Variants in TEX19 observed in about 807,000 individuals in gnomAD.
The protein encoded by TEX19 is testis-expressed protein 19.
For missense variants in TEX19, 184 were observed against 194.4 expected, an observed-to-expected ratio of 0.95 and a Z score of 0.32; for synonymous variants, 77 against 73.9, an observed-to-expected ratio of 1.04 and a Z score of -0.21.
chr17:82,362,456 C>G lies in TEX19; in HGVS notation c.306C>G (p.Thr102=). ...GCTCTGAGGCATGGGGGCCAGGGACCCTGGCAGCAGCCCCAGAAGGGTTGG... is the reference window on the plus strand; with the variant it reads ...GCTCTGAGGCATGGGGGCCAGGGACGCTGGCAGCAGCCCCAGAAGGGTTGG... ...QGGSEAWGPG[T]LAAAPEGLED... The change falls in exon 2 of 2, where the codon ACC becomes ACG. Residue 102 remains threonine (T), a synonymous_variant. Coordinates refer to ENST00000333437, the MANE Select transcript of TEX19 (RefSeq NM_207459.4). The surrounding 1 kb of genome is among the most constrained non-coding windows in gnomAD (Gnocchi z 5.5). 6.2e-7 allele frequency: 1 copy of G among 1,612,648 alleles called. No individual in the cohort carries two copies. The highest frequency in any genetic ancestry group is 8.5e-7 in the Non-Finnish European group (1 of 1,179,770).
chr17:82,359,908 T>C (rs1397897174), intron 1 of TEX19, among the ~76,000 whole-genome samples: 7 of 125,304 alleles, frequency 5.6e-5, no homozygotes, highest in African/African-American at 2.3e-4. Context: ...TTCCCTCAGG[T>C]TCCCCCAGTT....
Position 82,362,286 on chromosome 17 carries a change from A to G in TEX19, c.136A>G (p.Lys46Glu). The G allele has an allele frequency of 6.2e-7, 1 of 1,614,088 alleles. No homozygotes were observed. ...CTTCAAGGCTGCCTTTCTAGACTTT[A>G]AAGACTTGCTGGAGTCAGAGGACTG... ...TCFKAAFLDFKDLLESEDWEE... is the reference protein window; with the variant it reads ...TCFKAAFLDFEDLLESEDWEE... Residue 46 changes from lysine (K) to glutamate (E), a missense_variant, in exon 2 of 2, where the codon AAA becomes GAA. Coordinates refer to ENST00000333437, the MANE Select transcript of TEX19 (RefSeq NM_207459.4). The surrounding 1 kb of genome is among the most constrained non-coding windows in gnomAD (Gnocchi z 5.5).
At position 82,362,911 on chromosome 17, in the gene TEX19, T is replaced by C. The variant is rs369265274; in HGVS notation, c.*266T>C. On this transcript the variant is annotated 3_prime_UTR_variant, in exon 2 of 2. Coordinates refer to ENST00000333437, the MANE Select transcript of TEX19 (RefSeq NM_207459.4). This position sits in a 1 kb window ranked among gnomAD's most constrained non-coding sequence, Gnocchi z 5.5. Reference sequence around the variant, plus strand: ...CAAGATGCACCCCAAGAGCAGGACCTGCACTGGTGGATGCTGAGCATTCTA... The same window carrying C: ...CAAGATGCACCCCAAGAGCAGGACCCGCACTGGTGGATGCTGAGCATTCTA... 3.4e-4 allele frequency: 154 copies of C among 446,438 alleles called. 2 individuals carry two copies. The East Asian group carries it at 5.2e-3, about 15-fold the overall frequency. The allele number at this position is 446,438 out of a possible 1,614,324, so 27.7% of individuals were successfully genotyped here.
chr17:82,362,146 T>A lies in TEX19; in HGVS notation c.-5T>A. The stretch of plus-strand genomic sequence containing the variant: ...CCACCCCGGCAGTAGGCAGGCAGCC[T>A]GGCCATGTGCCCTCCGGTCAGCATG... On this transcript the variant is annotated 5_prime_UTR_variant, in exon 2 of 2. Transcript: ENST00000333437. The surrounding 1 kb of genome is among the most constrained non-coding windows in gnomAD (Gnocchi z 5.5). The A allele has an allele frequency of 6.3e-7, 1 of 1,596,974 alleles. No individual in the cohort carries two copies. Among genetic ancestry groups the A allele is most frequent in the Non-Finnish European group, 8.5e-7 (1 of 1,171,900 alleles).
intron 1 of TEX19, chr17:82,361,628 A>C: frequency 1.0e-6 from 1 of 985,022 alleles, no homozygotes; most frequent in Non-Finnish European, 1.2e-6. Flanking sequence ...AGTTTCCCTC[A>C]TGTTCCCCCA....
chr17:82,362,760 G>C lies in TEX19; in HGVS notation c.*115G>C. 7.6e-7 allele frequency: 1 copy of C among 1,308,478 alleles called. No homozygotes were observed. Among genetic ancestry groups the C allele is most frequent in the Non-Finnish European group, 1.0e-6 (1 of 969,412 alleles). 81.1% of individuals were successfully genotyped at this position (1,308,478 alleles called of 1,614,324 possible). A position where few individuals can be genotyped will look rare whatever the true frequency, so the allele number is the denominator to read the frequency against. On this transcript the variant is annotated 3_prime_UTR_variant, in exon 2 of 2. Coordinates refer to ENST00000333437, the MANE Select transcript of TEX19 (RefSeq NM_207459.4). This position sits in a 1 kb window ranked among gnomAD's most constrained non-coding sequence, Gnocchi z 5.5. ...GGCCTAGTTACTGGCCCTGCAGCTT[G>C]TCTCCATGGTGGGCTGCTATGATAC...
chr17:82,362,765 C>T lies in TEX19; in HGVS notation c.*120C>T. On this transcript the variant is annotated 3_prime_UTR_variant, in exon 2 of 2. Coordinates refer to ENST00000333437, the MANE Select transcript of TEX19 (RefSeq NM_207459.4). The surrounding 1 kb of genome is among the most constrained non-coding windows in gnomAD (Gnocchi z 5.5). Reference sequence around the variant, plus strand: ...AGTTACTGGCCCTGCAGCTTGTCTCCATGGTGGGCTGCTATGATACCATCT... The same window carrying T: ...AGTTACTGGCCCTGCAGCTTGTCTCTATGGTGGGCTGCTATGATACCATCT... 7.9e-7 allele frequency: 1 copy of T among 1,266,504 alleles called. No individual in the cohort carries two copies. Among genetic ancestry groups the T allele is most frequent in the East Asian group, 2.5e-5 (1 of 39,638 alleles). 78.5% of individuals were successfully genotyped at this position (1,266,504 alleles called of 1,614,324 possible).
Position 82,362,203 on chromosome 17 carries a change from A to T in TEX19, c.53A>T (p.Tyr18Phe). 1.2e-6 allele frequency: 2 copies of T among 1,613,488 alleles called. No individual in the cohort carries two copies. Among genetic ancestry groups the T allele is most frequent in the Non-Finnish European group, 1.7e-6 (2 of 1,179,970 alleles). ...GAGGAAGAGGGCATGTCCTACCTCT[A>T]CGCCTCCTGGATGTATCAGCTTCAA... ...RYEEEGMSYL[Y>F]ASWMYQLQHG... The change falls in exon 2 of 2, where the codon TAC (tyrosine) becomes TTC (phenylalanine). Residue 18 changes from tyrosine (Y) to phenylalanine (F), a missense_variant. Physicochemically the swap from Tyr to Phe is conservative, Grantham distance 22. Coordinates refer to ENST00000333437, the MANE Select transcript of TEX19 (RefSeq NM_207459.4). This position sits in a 1 kb window ranked among gnomAD's most constrained non-coding sequence, Gnocchi z 5.5.
chr17:82,362,532 G>A lies in TEX19; in HGVS notation c.382G>A (p.Glu128Lys), dbSNP rs1305037364. 3 of 1,612,752 alleles carry A rather than the reference G, an allele frequency of 1.9e-6. No homozygotes were observed. Among genetic ancestry groups the A allele is most frequent in the Non-Finnish European group, 2.5e-6 (3 of 1,179,940 alleles). Reference protein sequence around the residue: ...HFVPTELWPQEAVPLGLGLED... With the variant: ...HFVPTELWPQKAVPLGLGLED... ...TGTCCCCACTGAACTATGGCCTCAG[G>A]AGGCTGTGCCCCTGGGCCTGGGCCT... The change falls in exon 2 of 2, where the codon GAG becomes AAG. Residue 128 changes from glutamate (E) to lysine (K), a missense_variant. Glu to Lys is a moderately conservative substitution (Grantham distance 56). Coordinates refer to ENST00000333437, the MANE Select transcript of TEX19 (RefSeq NM_207459.4). The surrounding 1 kb of genome is among the most constrained non-coding windows in gnomAD (Gnocchi z 5.5).
chr17:82,361,655 G>T, intron 1 of TEX19: 1 of 985,392 alleles, frequency 1.0e-6, no homozygotes, highest in Non-Finnish European at 1.2e-6. Context: ...GTCAGGTGAA[G>T]CTGATGGGCT....
Position 82,362,130 on chromosome 17 carries a change from C to A in TEX19, c.-21C>A. The A allele has an allele frequency of 6.3e-7, 1 of 1,583,402 alleles. No homozygotes were observed. The highest frequency in any genetic ancestry group is 1.2e-5 in the South Asian group (1 of 84,928). ...GCCCAGCTCTTGCTGTCCACCCCGG[C>A]AGTAGGCAGGCAGCCTGGCCATGTG... is the stretch of plus-strand genomic sequence containing the variant. On this transcript the variant is annotated 5_prime_UTR_variant, in exon 2 of 2. Transcript: ENST00000333437. The surrounding 1 kb of genome is among the most constrained non-coding windows in gnomAD (Gnocchi z 5.5).
In TEX19 at chr17:82,362,346, C is replaced by A. The variant is rs1335076626; in HGVS notation, c.196C>A (p.His66Asn). Reference sequence around the variant, plus strand: ...CAACTGGGACCCTGAGCTGATGGAGCACACTGAGGCAGAGTCAGAGCAGGA... The same window carrying A: ...CAACTGGGACCCTGAGCTGATGGAGAACACTGAGGCAGAGTCAGAGCAGGA... ...EDNWDPELME[H>N]TEAESEQEGS... is the part of the protein sequence containing the mutation. The change falls in exon 2 of 2, where the codon CAC (histidine) becomes AAC (asparagine). Residue 66 changes from histidine to asparagine, a missense_variant. Physicochemically the swap from His to Asn is moderately conservative, Grantham distance 68. Transcript: ENST00000333437. This position sits in a 1 kb window ranked among gnomAD's most constrained non-coding sequence, Gnocchi z 5.5. 3 of 1,613,742 alleles carry A rather than the reference C, an allele frequency of 1.9e-6. No individual in the cohort carries two copies. Among genetic ancestry groups the A allele is most frequent in the Non-Finnish European group, 2.5e-6 (3 of 1,180,010 alleles).
At position 82,362,478 on chromosome 17, in the gene TEX19, T is replaced by C; in HGVS notation, c.328T>C (p.Leu110=). ...PGTLAAAPEG[L]EDAGLDPHFV... ...GACCCTGGCAGCAGCCCCAGAAGGGTTGGAAGATGCAGGTCTGGACCCCCA... is the reference window on the plus strand; with the variant it reads ...GACCCTGGCAGCAGCCCCAGAAGGGCTGGAAGATGCAGGTCTGGACCCCCA... The change falls in exon 2 of 2, where the codon TTG becomes CTG. Residue 110 remains leucine (L), a synonymous_variant. Transcript: ENST00000333437. The surrounding 1 kb of genome is among the most constrained non-coding windows in gnomAD (Gnocchi z 5.5). 6.2e-7 allele frequency: 1 copy of C among 1,612,624 alleles called. No homozygotes were observed. Among genetic ancestry groups the C allele is most frequent in the East Asian group, 2.2e-5 (1 of 44,850 alleles).
In TEX19 at chr17:82,362,745, C is replaced by A; in HGVS notation, c.*100C>A. 7.1e-7 allele frequency: 1 copy of A among 1,413,518 alleles called. No homozygotes were observed. Among genetic ancestry groups the A allele is most frequent in the Non-Finnish European group, 9.5e-7 (1 of 1,056,474 alleles). 87.6% of individuals were successfully genotyped at this position (1,413,518 alleles called of 1,614,324 possible). On this transcript the variant is annotated 3_prime_UTR_variant, in exon 2 of 2. Coordinates refer to ENST00000333437, the MANE Select transcript of TEX19 (RefSeq NM_207459.4). The surrounding 1 kb of genome is among the most constrained non-coding windows in gnomAD (Gnocchi z 5.5). ...CCCTGCCGAGGCTGAGGCCTAGTTA[C>A]TGGCCCTGCAGCTTGTCTCCATGGT...
Position 82,362,071 on chromosome 17 carries a change from C to T in TEX19, c.-80C>T. On this transcript the variant is annotated 5_prime_UTR_variant, in exon 2 of 2. Transcript: ENST00000333437. This position sits in a 1 kb window ranked among gnomAD's most constrained non-coding sequence, Gnocchi z 5.5. ...CCGCCCAGCATCCTACTGGCCTCAGCACCTGTGGCCAGACCGTCCAAGATC... is the reference window on the plus strand; with the variant it reads ...CCGCCCAGCATCCTACTGGCCTCAGTACCTGTGGCCAGACCGTCCAAGATC... The T allele has an allele frequency of 1.2e-5, 18 of 1,507,302 alleles. No homozygotes were observed. The highest frequency in any genetic ancestry group is 1.6e-5 in the Non-Finnish European group (18 of 1,126,782). The allele number at this position is 1,507,302 out of a possible 1,614,324, so 93.4% of individuals were successfully genotyped here.
At chr17:82,360,167 T>C (rs867067995) in intron 1 of TEX19, among the ~76,000 whole-genome samples, 10 of 32,316 alleles carry the variant, frequency 3.1e-4, no homozygotes, top group Non-Finnish European at 4.0e-4. Flanking sequence ...TCAGGTTCCC[T>C]CAGTTTCCCT....
Position 82,363,656 on chromosome 17 carries a change from G to A in TEX19, c.*1011G>A, listed in dbSNP as rs2052413098. On this transcript the variant is annotated 3_prime_UTR_variant, in exon 2 of 2. Coordinates refer to ENST00000333437, the MANE Select transcript of TEX19 (RefSeq NM_207459.4). Reference sequence around the variant, plus strand: ...CCCTGTCAGCAGCACTAGGATCTCTGGTCTACAGTGGAGGGAGAGCTGGTT... The same window carrying A: ...CCCTGTCAGCAGCACTAGGATCTCTAGTCTACAGTGGAGGGAGAGCTGGTT... 6.0e-6 allele frequency: 1 copy of A among 167,042 alleles called. No individual in the cohort carries two copies. Among genetic ancestry groups the A allele is most frequent in the South Asian group, 2.1e-4 (1 of 4,834 alleles). 10.3% of individuals were successfully genotyped at this position (167,042 alleles called of 1,614,324 possible).
At chr17:82,359,478 G>C (rs1457213342) in intron 1 of TEX19, among the ~76,000 whole-genome samples, 193 bp downstream of exon 1, 10 of 135,466 alleles carry the variant, frequency 7.4e-5, no homozygotes, top group African/African-American at 2.9e-4. Flanking sequence ...TTTCCCTCAG[G>C]TTCCCTCAGT....
At chr17:82,361,827 GC>G (rs1189139850) in intron 1 of TEX19, 52 bp from the exon 2 acceptor site, 1 of 1,079,796 alleles carries the variant, frequency 9.3e-7, no homozygotes, top group Non-Finnish European at 1.2e-6. Context: ...CCCACAGTTT[GC>G]CCCCACCCTG....
Sources: gnomAD v4.1 joint callset for allele counts (sites outside exome capture counted in the v4.1 genomes callset) on GRCh38, gnomAD v4.1.1 for gene constraint, Gnocchi (gnomAD v3.1) non-coding constraint, MANE v1.5 for transcripts, NCBI Gene and HGNC (gene_info 2026-07-23, HGNC 2026-07-21) for gene names.